SFTPB: variants seen among roughly 807,000 people sequenced by gnomAD.
SFTPB encodes pulmonary surfactant-associated protein B.
In SFTPB, 32 loss-of-function variants were observed where a neutral mutation model predicts 51.0. The observed-to-expected ratio is 0.63, with a 90% confidence interval of 0.47 to 0.84. The LOEUF (loss-of-function observed/expected upper bound fraction) is 0.84, where lower values mean the gene tolerates loss of function less well. Among genes scored for constraint, SFTPB ranks in the 40% least tolerant of loss-of-function variants. The pLI, the probability that SFTPB is intolerant of heterozygous loss-of-function variation, is 0.00. For synonymous variants in SFTPB, 211 were observed against 208.5 expected, an observed-to-expected ratio of 1.01 and a Z score of -0.10; for missense variants, 431 against 491.2, an observed-to-expected ratio of 0.88 and a Z score of 1.16.
intron 4 of SFTPB, among the ~76,000 whole-genome samples, chr2:85,666,227 G>C (rs1225350827): frequency 1.4e-5 from 2 of 144,144 alleles, no homozygotes; most frequent in African/African-American, 2.6e-5. Context: ...GTGTGTGTGT[G>C]TGTGTGTGTG....
chr2:85,668,426 G>A (rs1461998820), upstream of SFTPB, among the ~76,000 whole-genome samples: 2 of 152,224 alleles, frequency 1.3e-5, no homozygotes, highest in African/African-American at 2.4e-5. Flanking sequence ...CTGGACTTGT[G>A]GCTTCCTCCA....
Position 85,667,153 on chromosome 2 carries a change from C to T in SFTPB, c.220G>A (p.Asp74Asn), listed in dbSNP as rs1018017556. ...GADDLCQECE[D>N]IVHILNKMAK... ...ATCTTGTTAAGGATGTGGACGATGT[C>T]CTCACACTCTTGGCATAGGTCATCC... is the stretch of plus-strand genomic sequence containing the variant. The change falls in exon 3 of 11, where the codon GAC becomes AAC. Residue 74 changes from aspartate to asparagine, a missense_variant. Coordinates refer to ENST00000519937, the MANE Select transcript of SFTPB (RefSeq NM_000542.5). 3.1e-6 allele frequency: 5 copies of T among 1,613,844 alleles called. No individual in the cohort carries two copies. The African/African-American group carries it at 5.3e-5, about 17-fold the overall frequency.
In SFTPB at chr2:85,663,655, TG is replaced by T. The variant is rs776114625; in HGVS notation, c.856+8del. On this transcript the variant is annotated splice_region_variant and intron_variant, in intron 7 of 10. Transcript: ENST00000519937. ...AGGCATTGGGCTAAGGAGTGGGCAG[TG>T]GGCTCACTTGGGCCAGCGCTGTCAT... is the stretch of plus-strand genomic sequence containing the variant. The T allele has an allele frequency of 6.8e-6, 11 of 1,609,144 alleles. No homozygotes were observed. In the East Asian group the frequency reaches 2.5e-4, roughly 36 times the overall value.
chr2:85,660,778 C>T (rs1351303135), intron 10 of SFTPB, among the ~76,000 whole-genome samples: 1 of 152,132 alleles, frequency 6.6e-6, no homozygotes, highest in Non-Finnish European at 1.5e-5. Flanking sequence ...AATGAGGGAA[C>T]AAATGAATAA....
chr2:85,663,529 C>A (rs368966851), intron 7 of SFTPB, 38 bp from the exon 8 acceptor site: 4 of 1,611,342 alleles, frequency 2.5e-6, no homozygotes, highest in African/African-American at 1.3e-5. Context: ...CAGGCAAGGC[C>A]ACCCTACAGA....
chr2:85,663,928 C>T, intron 6 of SFTPB, 81 bp from the exon 7 acceptor site: 2 of 1,311,624 alleles, frequency 1.5e-6, no homozygotes, highest in South Asian at 1.3e-5. Context: ...CAGCTGGGCA[C>T]TTCCTACGCA....
In SFTPB at chr2:85,662,105, T is replaced by G. The variant is rs1279588699; in HGVS notation, c.1007A>C (p.Lys336Thr). 1.9e-6 allele frequency: 3 copies of G among 1,600,608 alleles called. No individual in the cohort carries two copies. Among genetic ancestry groups the G allele is most frequent in the South Asian group, 2.3e-5 (2 of 87,890 alleles). The change falls in exon 9 of 11, where the codon AAG (lysine) becomes ACG (threonine). Residue 336 changes from lysine to threonine, a missense_variant. By Grantham distance (78) the Lys-to-Thr change is moderately conservative (BLOSUM62 -1). Transcript: ENST00000519937. The stretch of plus-strand genomic sequence containing the variant: ...GGGCGTGTGCTGCTCCACAAATTGC[T>G]TGCACTGAGGAAGGAGACACACAGC... ...VGSWLDREKC[K>T]QFVEQHTPQL... is the part of the protein sequence containing the mutation.
chr2:85,657,707 A>G lies in SFTPB; in HGVS notation c.*1995T>C, dbSNP rs1677116208. 6.6e-6 allele frequency: 1 copy of G among 152,184 alleles called. No homozygotes were observed. Among genetic ancestry groups the G allele is most frequent in the South Asian group, 2.1e-4 (1 of 4,826 alleles). The allele number at this position is 152,184 out of a possible 1,614,324, so 9.4% of individuals were successfully genotyped here. ...GTGTGAACAATAAAGCTTTTTAATC[A>G]CCTGGGTGCAGGTGGGCTGAGTCCA... On this transcript the variant is annotated 3_prime_UTR_variant, in exon 11 of 11. Transcript: ENST00000519937.
At position 85,667,704 on chromosome 2, in the gene SFTPB, T is replaced by C; in HGVS notation, c.170A>G (p.Gln57Arg). 2 of 1,614,246 alleles carry C rather than the reference T, an allele frequency of 1.2e-6. No individual in the cohort carries two copies. Among genetic ancestry groups the C allele is most frequent in the Non-Finnish European group, 1.7e-6 (2 of 1,180,040 alleles). ...LQCRALGHCL[Q>R]EVWGHVGADD... Reference sequence around the variant, plus strand: ...GGCTCCCACATGTCCCCAGACTTCCTGTAGGCAATGCCCTAGGGCTCTGCA... The same window carrying C: ...GGCTCCCACATGTCCCCAGACTTCCCGTAGGCAATGCCCTAGGGCTCTGCA... The change falls in exon 2 of 11, where the codon CAG becomes CGG. Residue 57 changes from glutamine to arginine, a missense_variant. Transcript: ENST00000519937.
chr2:85,665,641 C>T lies in SFTPB; in HGVS notation c.547G>A (p.Gly183Arg), dbSNP rs184494733. 366 of 1,614,066 alleles carry T rather than the reference C, an allele frequency of 2.3e-4. 2 individuals are homozygous for T. The East Asian group carries it at 5.2e-3, about 23-fold the overall frequency. ...GGCCCAGGCCTCGCCTGGAGGGCCC[C>T]GGGCAGCACAGGGAGGACGAGCTTG... Reference protein sequence around the residue: ...LDKLVLPVLPGALQARPGPHT... With the variant: ...LDKLVLPVLPRALQARPGPHT... The change falls in exon 5 of 11, where the codon GGG (glycine) becomes AGG (arginine). Residue 183 changes from glycine (G) to arginine (R), a missense_variant. By Grantham distance (125) the Gly-to-Arg change is moderately radical. Transcript: ENST00000519937.
intron 10 of SFTPB, chr2:85,661,204 G>A (rs1043734256): frequency 4.8e-6 from 2 of 414,914 alleles, no homozygotes; most frequent in Non-Finnish European, 9.2e-6. Context: ...CGGGGGGTTG[G>A]GGGGGAAGCT....
In SFTPB at chr2:85,665,640, C is replaced by G. The variant is rs35524245; in HGVS notation, c.548G>C (p.Gly183Ala). The change falls in exon 5 of 11, where the codon GGG becomes GCG. Residue 183 changes from glycine (G) to alanine (A), a missense_variant. Transcript: ENST00000519937. ...LDKLVLPVLP[G>A]ALQARPGPHT... ...AGGCCCAGGCCTCGCCTGGAGGGCC[C>G]CGGGCAGCACAGGGAGGACGAGCTT... 7 of 1,614,050 alleles carry G rather than the reference C, an allele frequency of 4.3e-6. No individual in the cohort carries two copies. In the African/African-American group the frequency reaches 8.0e-5, roughly 18 times the overall value.
intron 1 of SFTPB, 74 bp from the exon 2 acceptor site, chr2:85,667,880 C>G: frequency 6.2e-7 from 1 of 1,604,108 alleles, no homozygotes; most frequent in Middle Eastern, 1.7e-4. Flanking sequence ...CACCCACCCT[C>G]TAGACCCAGT....
intron 1 of SFTPB, 43 bp downstream of exon 1, chr2:85,668,074 G>T: frequency 6.9e-7 from 1 of 1,455,626 alleles, no homozygotes. Flanking sequence ...TGCTCAGTGA[G>T]TGGTGGAGCT....
At chr2:85,668,461 C>G (rs1342108599), upstream of SFTPB, among the ~76,000 whole-genome samples, 2 of 152,232 alleles carry the variant, frequency 1.3e-5, no homozygotes, top group Non-Finnish European at 2.9e-5. Flanking sequence ...AGCCTCCATA[C>G]CTGGTCCCAC....
intron 5 of SFTPB, 64 bp from the exon 6 acceptor site, chr2:85,665,442 C>A: frequency 6.8e-7 from 1 of 1,469,784 alleles, no homozygotes. Context: ...AGGCTCTCCT[C>A]CCCTCTCTCT....
chr2:85,665,244 G>A, intron 6 of SFTPB, 45 bp downstream of exon 6: 1 of 1,363,618 alleles, frequency 7.3e-7, no homozygotes, highest in Non-Finnish European at 1.1e-6. Flanking sequence ...GGGAGCTACA[G>A]GTATGCGTGT....
intron 6 of SFTPB, among the ~76,000 whole-genome samples, chr2:85,665,059 G>A (rs1413442050): frequency 6.6e-6 from 1 of 152,224 alleles, no homozygotes; most frequent in Non-Finnish European, 1.5e-5. Context: ...CCTCCATACA[G>A]TGGGGGCTTA....
intron 3 of SFTPB, 109 bp from the exon 4 acceptor site, chr2:85,666,851 G>A: frequency 6.8e-7 from 1 of 1,465,944 alleles, no homozygotes; most frequent in Non-Finnish European, 9.5e-7. Flanking sequence ...CCCCCAGGGT[G>A]CTGGAGTTCA....
Sources: allele counts gnomAD v4.1 joint callset (sites outside exome capture counted in the v4.1 genomes callset), GRCh38; gene constraint gnomAD v4.1.1; transcripts MANE v1.5; gene names NCBI Gene and HGNC (gene_info 2026-07-23, HGNC 2026-07-21).